Variants in CPA6 observed in about 807,000 individuals in gnomAD.
CPA6 encodes the protein carboxypeptidase A6.
CPA6 carries 58 observed loss-of-function variants against 63.3 expected under a neutral mutation model. The observed-to-expected ratio is 0.92, with a 90% CI of 0.74 to 1.14. The LOEUF is 1.14. Ranked by LOEUF, CPA6 falls within the 50% of genes most tolerant of loss-of-function variation. CPA6 has a pLI of 0.00. For synonymous variants in CPA6, 185 were observed against 179.0 expected, an observed-to-expected ratio of 1.03 and a Z score of -0.27; for missense variants, 565 against 526.6, an observed-to-expected ratio of 1.07 and a Z score of -0.71.
intron 6 of CPA6, among the ~76,000 whole-genome samples, chr8:67,495,521 T>C (rs1368454581): frequency 6.6e-6 from 1 of 152,168 alleles, no homozygotes; most frequent in East Asian, 1.9e-4. Flanking sequence ...TTTCCATTCC[T>C]ACATCCACTC....
intron 2 of CPA6, among the ~76,000 whole-genome samples, chr8:67,540,452 G>T (rs1452944521): frequency 6.6e-6 from 1 of 152,192 alleles, no homozygotes; most frequent in African/African-American, 2.4e-5. Context: ...AACCCTGCTG[G>T]GAGGTGTCTT....
chr8:67,462,667 C>T (rs1480313333), intron 8 of CPA6, among the ~76,000 whole-genome samples: 1 of 152,170 alleles, frequency 6.6e-6, no homozygotes, highest in Admixed American at 6.5e-5. Context: ...CTCTCTCTTT[C>T]TCTTTTAACA....
At chr8:67,689,779 G>A (rs1322078736) in intron 1 of CPA6, among the ~76,000 whole-genome samples, 1 of 152,132 alleles carries the variant, frequency 6.6e-6, no homozygotes, top group South Asian at 2.1e-4. Flanking sequence ...CTTTTCCTTT[G>A]GGTATATACC....
intron 2 of CPA6, among the ~76,000 whole-genome samples, chr8:67,604,179 G>A (rs905323415): frequency 6.6e-6 from 1 of 152,212 alleles, no homozygotes; most frequent in African/African-American, 2.4e-5. Flanking sequence ...GAGAACATGT[G>A]TTTCAGTAAG....
chr8:67,460,845 T>G (rs956396634), intron 8 of CPA6, among the ~76,000 whole-genome samples: 2 of 152,162 alleles, frequency 1.3e-5, no homozygotes, highest in Non-Finnish European at 2.9e-5. Context: ...CTCAATCTGT[T>G]TCACAGTCAG....
chr8:67,452,746 A>G (rs1010628591), intron 8 of CPA6: 17 of 152,424 alleles, frequency 1.1e-4, no homozygotes, highest in Admixed American at 1.0e-3. Flanking sequence ...TGTGAGAAAG[A>G]TTAGGAGTAC....
At chr8:67,491,622 C>A in intron 6 of CPA6, among the ~76,000 whole-genome samples, 1 of 152,030 alleles carries the variant, frequency 6.6e-6, no homozygotes, top group Admixed American at 6.6e-5. Context: ...GATAGCCTAA[C>A]AACAGTGATT....
intron 2 of CPA6, among the ~76,000 whole-genome samples, chr8:67,623,431 A>G (rs1278635302): frequency 1.3e-5 from 2 of 151,662 alleles, no homozygotes; most frequent in Non-Finnish European, 2.9e-5. Flanking sequence ...TTCTTGAGAC[A>G]GGGTTTCTCT....
intron 9 of CPA6, among the ~76,000 whole-genome samples, chr8:67,433,333 T>C (rs575772117): frequency 6.6e-6 from 1 of 152,338 alleles, no homozygotes; most frequent in East Asian, 1.9e-4. Context: ...TTATAGGCTT[T>C]TAGATGCTAT....
chr8:67,501,189 C>T (rs1308825806), intron 6 of CPA6, among the ~76,000 whole-genome samples: 11 of 152,052 alleles, frequency 7.2e-5, no homozygotes, highest in Non-Finnish European at 8.8e-5. Flanking sequence ...TGAAATCTCC[C>T]AATCCATGAA....
intron 1 of CPA6, among the ~76,000 whole-genome samples, chr8:67,716,716 G>C (rs937403266): frequency 3.9e-5 from 6 of 152,158 alleles, no homozygotes; most frequent in Non-Finnish European, 2.9e-5. Context: ...TCTTATTTAG[G>C]AATAAAATGG....
intron 2 of CPA6, among the ~76,000 whole-genome samples, chr8:67,535,779 C>T (rs550985018): frequency 1.3e-5 from 2 of 152,142 alleles, no homozygotes; most frequent in African/African-American, 2.4e-5. Flanking sequence ...AAGTATTTGC[C>T]CACGCCTATG....
intron 8 of CPA6, among the ~76,000 whole-genome samples, chr8:67,439,738 A>C (rs949582539): frequency 2.0e-5 from 3 of 152,218 alleles, no homozygotes; most frequent in African/African-American, 7.2e-5. Context: ...TGATCAAATG[A>C]CTGATTTTAT....
chr8:67,645,301 A>T (rs1815690485), intron 1 of CPA6, among the ~76,000 whole-genome samples: 1 of 152,180 alleles, frequency 6.6e-6, no homozygotes, highest in African/African-American at 2.4e-5. Context: ...TAACAACCTC[A>T]CTTTTTCTGT....
At chr8:67,705,646 C>G (rs1228398404) in intron 1 of CPA6, among the ~76,000 whole-genome samples, 1 of 152,208 alleles carries the variant, frequency 6.6e-6, no homozygotes, top group Non-Finnish European at 1.5e-5. Context: ...CTGAATTCAT[C>G]TTTCCCTTTA....
chr8:67,426,990 C>A (rs1200761489), intron 10 of CPA6, among the ~76,000 whole-genome samples: 1 of 152,168 alleles, frequency 6.6e-6, no homozygotes, highest in East Asian at 1.9e-4. Context: ...CATATACCCA[C>A]TTGGAAGGAC....
chr8:67,658,090 T>C (rs930603845), intron 1 of CPA6, among the ~76,000 whole-genome samples: 2 of 152,144 alleles, frequency 1.3e-5, no homozygotes, highest in African/African-American at 4.8e-5. Context: ...TCTTTTTTGT[T>C]CCTCCTACAG....
intron 1 of CPA6, among the ~76,000 whole-genome samples, chr8:67,658,458 C>A (rs1199581180): frequency 6.6e-6 from 1 of 152,144 alleles, no homozygotes; most frequent in Non-Finnish European, 1.5e-5. Flanking sequence ...GGATCCTCCC[C>A]CGTACCCACC....
chr8:67,486,539 G>A (rs555030741), intron 6 of CPA6, among the ~76,000 whole-genome samples: 2 of 152,242 alleles, frequency 1.3e-5, no homozygotes, highest in South Asian at 2.1e-4. Flanking sequence ...ACATATCCTC[G>A]TTTTCAAGCA....
Sources: gnomAD v4.1 joint callset for allele counts (sites outside exome capture counted in the v4.1 genomes callset) on GRCh38, gnomAD v4.1.1 for gene constraint, MANE v1.5 for transcripts, NCBI Gene and HGNC (gene_info 2026-07-23, HGNC 2026-07-21) for gene names.